The following TRDN variants were observed in gnomAD, a reference collection of about 807,000 sequenced individuals.
The protein encoded by TRDN is triadin.
Under a neutral mutation model 149.7 loss-of-function variants are expected in TRDN, and 161 were observed. The observed-to-expected ratio is 1.08, with a 90% confidence interval of 0.95 to 1.23. The LOEUF (loss-of-function observed/expected upper bound fraction) is 1.23, where lower values mean the gene tolerates loss of function less well. Among genes scored for constraint, TRDN ranks in the 50% most tolerant of loss-of-function variants. TRDN has a pLI of 0.00. For synonymous variants in TRDN, 294 were observed against 250.5 expected (o/e 1.17, Z -1.64); for missense variants, 896 against 823.5 (o/e 1.09, Z -1.08).
intron 2 of TRDN, among the ~76,000 whole-genome samples, chr6:123,565,986 A>T (rs577953779): frequency 6.6e-6 from 1 of 152,312 alleles, no homozygotes; most frequent in South Asian, 2.1e-4. Context: ...TCAACACCAG[A>T]TGCATTGCAA....
chr6:123,259,467 A>G (rs1776681422), intron 35 of TRDN, among the ~76,000 whole-genome samples, 157 bp downstream of exon 35: 1 of 152,076 alleles, frequency 6.6e-6, no homozygotes, highest in Non-Finnish European at 1.5e-5. Flanking sequence ...GTTTTGCATG[A>G]TGAACTGTAA....
At chr6:123,256,263 T>C (rs1776558014) in intron 35 of TRDN, among the ~76,000 whole-genome samples, 1 of 152,196 alleles carries the variant, frequency 6.6e-6, no homozygotes, top group Admixed American at 6.5e-5. Context: ...GCAAAGGACA[T>C]GAACTCATTC....
intron 5 of TRDN, among the ~76,000 whole-genome samples, chr6:123,521,875 C>T (rs1779698007): frequency 6.6e-6 from 1 of 152,232 alleles, no homozygotes; most frequent in Middle Eastern, 3.4e-3. Context: ...GAAGTACTTA[C>T]TACACGTGGT....
At chr6:123,524,841 T>A (rs768891282) in intron 5 of TRDN, among the ~76,000 whole-genome samples, 6 of 152,144 alleles carry the variant, frequency 3.9e-5, no homozygotes, top group Admixed American at 1.3e-4. Context: ...TATACAAAAG[T>A]CTTTGTGATA....
intron 1 of TRDN, among the ~76,000 whole-genome samples, chr6:123,585,149 G>C (rs1005052194): frequency 6.8e-6 from 1 of 147,952 alleles, no homozygotes; most frequent in East Asian, 2.1e-4. Context: ...TAAGGTGGGG[G>C]AATACAAGAG....
intron 22 of TRDN, among the ~76,000 whole-genome samples, chr6:123,333,926 A>G (rs1435642612): frequency 6.6e-6 from 1 of 152,086 alleles, no homozygotes; most frequent in African/African-American, 2.4e-5. Context: ...GCTGGGATAT[A>G]AAGTGGAACT....
At chr6:123,587,598 C>A (rs370173177) in intron 1 of TRDN, among the ~76,000 whole-genome samples, 6 of 152,248 alleles carry the variant, frequency 3.9e-5, no homozygotes, top group East Asian at 3.9e-4. Context: ...TGAGTCGCGG[C>A]ACCAAATTTC....
At chr6:123,282,252 A>G (rs1390617067) in intron 24 of TRDN, among the ~76,000 whole-genome samples, 4 of 152,034 alleles carry the variant, frequency 2.6e-5, no homozygotes, top group African/African-American at 9.6e-5. Flanking sequence ...AGTTCTATAT[A>G]TACATTCTAT....
intron 38 of TRDN, among the ~76,000 whole-genome samples, chr6:123,241,976 C>A (rs536093036): frequency 6.6e-6 from 1 of 152,204 alleles, no homozygotes; most frequent in East Asian, 1.9e-4. Context: ...GAGGATCTAA[C>A]AAACCTAACT....
At chr6:123,231,547 C>CA (rs1775602064) in intron 38 of TRDN, among the ~76,000 whole-genome samples, 1 of 151,820 alleles carries the variant, frequency 6.6e-6, no homozygotes, top group South Asian at 2.1e-4. Context: ...ATCACACACA[C>CA]AAAAAATTTT....
intron 39 of TRDN, among the ~76,000 whole-genome samples, chr6:123,223,730 T>C (rs1775247798): frequency 6.7e-6 from 1 of 148,694 alleles, no homozygotes; most frequent in South Asian, 2.1e-4. Context: ...CCTTCCTTCC[T>C]TCCTGATGGT....
chr6:123,251,708 A>G (rs955495167), intron 38 of TRDN, among the ~76,000 whole-genome samples: 7 of 151,948 alleles, frequency 4.6e-5, no homozygotes, highest in Admixed American at 2.6e-4. Flanking sequence ...ATGGAAATAA[A>G]AAAGGATAAA....
intron 38 of TRDN, among the ~76,000 whole-genome samples, chr6:123,228,331 G>A (rs1775466143): frequency 6.6e-6 from 1 of 151,888 alleles, no homozygotes; most frequent in Non-Finnish European, 1.5e-5. Context: ...GCCTGCATTA[G>A]TTTGTTTTCA....
intron 24 of TRDN, among the ~76,000 whole-genome samples, chr6:123,288,421 C>T (rs6914926): frequency 0.87 from 131,968 of 152,028 alleles, 57,593 homozygotes; most frequent in East Asian, 0.99. Flanking sequence ...GCACAGCAAA[C>T]GGAACAATAA....
intron 24 of TRDN, among the ~76,000 whole-genome samples, chr6:123,286,488 G>C (rs1388431032): frequency 6.6e-6 from 1 of 151,930 alleles, no homozygotes; most frequent in East Asian, 1.9e-4. Context: ...AGGATGCAAT[G>C]GCATAAGAAT....
intron 13 of TRDN, among the ~76,000 whole-genome samples, chr6:123,389,161 C>T (rs1272467830): frequency 6.6e-6 from 1 of 152,052 alleles, no homozygotes; most frequent in Non-Finnish European, 1.5e-5. Flanking sequence ...AATTCTGGAC[C>T]ATGAATCTAA....
At chr6:123,279,126 T>A in intron 24 of TRDN, 44 bp from the exon 25 acceptor site, 1 of 1,479,840 alleles carries the variant, frequency 6.8e-7, no homozygotes, top group Admixed American at 1.8e-5. Flanking sequence ...GTCATACAAT[T>A]CTTATTAAAT....
At chr6:123,608,499 T>A (rs1295536860) in intron 1 of TRDN, among the ~76,000 whole-genome samples, 1 of 152,168 alleles carries the variant, frequency 6.6e-6, no homozygotes, top group African/African-American at 2.4e-5. Context: ...GGGCTATATA[T>A]TTCAAATATA....
intron 24 of TRDN, among the ~76,000 whole-genome samples, chr6:123,285,472 T>C (rs1246097019): frequency 2.0e-5 from 3 of 152,048 alleles, no homozygotes; most frequent in Non-Finnish European, 4.4e-5. Flanking sequence ...GCTGGGACAA[T>C]TGGCAAGCCA....
Sources: gnomAD v4.1 joint callset for allele counts (sites outside exome capture counted in the v4.1 genomes callset) on GRCh38, gnomAD v4.1.1 for gene constraint, MANE v1.5 for transcripts, NCBI Gene and HGNC (gene_info 2026-07-23, HGNC 2026-07-21) for gene names.